Variants in TMEM63B observed in about 807,000 individuals in gnomAD.
TMEM63B encodes mechanosensitive cation channel TMEM63B.
In TMEM63B, 23 loss-of-function variants were observed where a neutral mutation model predicts 102.6. The ratio of observed to expected loss-of-function variants is 0.22; its 90% CI spans 0.16 to 0.32. TMEM63B has a LOEUF of 0.32. Ranked by LOEUF, TMEM63B falls within the 10% of genes least tolerant of loss-of-function variation. TMEM63B has a pLI of 1.00. For synonymous variants in TMEM63B, 444 were observed against 437.0 expected, an observed-to-expected ratio of 1.02 and a Z score of -0.20; for missense variants, 628 against 1,095.9, an observed-to-expected ratio of 0.57 and a Z score of 6.03.
In TMEM63B at chr6:44,130,890, T is replaced by C. The variant is rs374375420; in HGVS notation, c.-25+3212T>C. 1.6e-4 allele frequency among the ~76,000 whole-genome samples: 24 copies of C among 151,706 alleles called. 1 individual carries two copies. Among genetic ancestry groups the C allele is most frequent in the East Asian group, 7.8e-4 (4 of 5,142 alleles). On this transcript the variant is annotated intron_variant, in intron 1 of 23. Coordinates refer to ENST00000323267, the MANE Select transcript of TMEM63B (RefSeq NM_018426.3). ...ACTTGGCCTTCAAAAGTGCTGAGAT[T>C]ACAGGGGTGAGCCACCCCACCCTGC...
At chr6:44,135,288 TC>T (rs778631027) in intron 3 of TMEM63B, 39 bp from the exon 4 acceptor site, 1 of 1,600,342 alleles carries the variant, frequency 6.2e-7, no homozygotes, top group Non-Finnish European at 8.5e-7. Context: ...CCAGGGACTC[TC>T]CCCCGCCCCT....
intron 6 of TMEM63B, chr6:44,138,781 G>T: frequency 4.9e-6 from 2 of 409,772 alleles, no homozygotes; most frequent in East Asian, 4.7e-5. Context: ...GAGGGAGGGG[G>T]TGGAGCCCCT....
At chr6:44,151,492 G>C (rs377231021) in intron 18 of TMEM63B, among the ~76,000 whole-genome samples, 1 of 152,124 alleles carries the variant, frequency 6.6e-6, no homozygotes, top group Non-Finnish European at 1.5e-5. Flanking sequence ...TGGTCTAAGT[G>C]GGGGAATCTT....
intron 6 of TMEM63B, 144 bp from the exon 7 acceptor site, chr6:44,139,323 A>T: frequency 1.1e-6 from 1 of 919,914 alleles, no homozygotes; most frequent in East Asian, 2.6e-5. Flanking sequence ...GGGACCAAGA[A>T]GTCCCATTTC....
intron 4 of TMEM63B, 95 bp downstream of exon 4, chr6:44,135,461 T>G (rs1351843753): frequency 2.7e-6 from 4 of 1,464,312 alleles, no homozygotes; most frequent in Non-Finnish European, 1.8e-6. Context: ...TGCTGGTTTC[T>G]TTTTGCAGTT....
In TMEM63B at chr6:44,148,696, G is replaced by T. The variant is rs1337234630; in HGVS notation, c.1259+46G>T. ...GCAGGCTTTCCAGGGCCTGGGATGGGCTCAGTAGGTAGGCGGAGGAGAGGG... is the reference window on the plus strand; with the variant it reads ...GCAGGCTTTCCAGGGCCTGGGATGGTCTCAGTAGGTAGGCGGAGGAGAGGG... On this transcript the variant is annotated intron_variant, in intron 14 of 23. Transcript: ENST00000323267. The surrounding 1 kb of genome is among the most constrained non-coding windows in gnomAD (Gnocchi z 5.1). 3.1e-6 allele frequency: 5 copies of T among 1,611,420 alleles called. No individual in the cohort carries two copies. The highest frequency in any genetic ancestry group is 3.3e-5 in the Admixed American group (2 of 59,954).
chr6:44,135,424 C>T (rs1762747116), intron 4 of TMEM63B, 58 bp downstream of exon 4: 2 of 1,562,972 alleles, frequency 1.3e-6, no homozygotes, highest in Non-Finnish European at 1.7e-6. Flanking sequence ...TTTCTTCTCT[C>T]ACGCTTCTCT....
rs1561828349 is a variant in TMEM63B at position 44,154,160 on chromosome 6, T to G, written c.2198T>G (p.Phe733Cys). Reference protein sequence around the residue: ...ICLCHVCFGHFKYLSAHNYKI... With the variant: ...ICLCHVCFGHCKYLSAHNYKI... Reference sequence around the variant, plus strand: ...CTCTGCCACGTCTGCTTTGGACACTTCAAATACCTCAGTGCCCACAACTAC... The same window carrying G: ...CTCTGCCACGTCTGCTTTGGACACTGCAAATACCTCAGTGCCCACAACTAC... Residue 733 changes from phenylalanine (F) to cysteine (C), a missense_variant, in exon 22 of 24, where the codon TTC becomes TGC. This residue lies in a region of TMEM63B where 129 missense variants were observed against 153.5 expected (regional missense o/e 0.84). Coordinates refer to ENST00000323267, the MANE Select transcript of TMEM63B (RefSeq NM_018426.3). The G allele has an allele frequency of 6.2e-7, 1 of 1,614,074 alleles. No individual in the cohort carries two copies.
chr6:44,127,003 C>G (rs1465910909), upstream of TMEM63B: 2 of 152,280 alleles, frequency 1.3e-5, no homozygotes, highest in African/African-American at 4.8e-5. Context: ...AGGAGACGCT[C>G]CGGAGTGACC....
intron 3 of TMEM63B, 52 bp from the exon 4 acceptor site, chr6:44,135,276 C>A (rs775965988): frequency 3.8e-6 from 6 of 1,593,132 alleles, no homozygotes; most frequent in East Asian, 2.3e-5. Context: ...CCTCACCTGT[C>A]CCCAGGGACT....
chr6:44,154,770 C>A lies in TMEM63B; in HGVS notation c.2386C>A (p.Pro796Thr), dbSNP rs760764241. The change falls in exon 24 of 24, where the codon CCC becomes ACC. Residue 796 changes from proline to threonine, a missense_variant. Transcript: ENST00000323267. ...GGCTCCTGGGAGCTCAGGGGATGAGCCCCCATCATCCTCATCCCAAGATGA... is the reference window on the plus strand; with the variant it reads ...GGCTCCTGGGAGCTCAGGGGATGAGACCCCATCATCCTCATCCCAAGATGA... ...DGAPGSSGDE[P>T]PSSSSQDEEL... The A allele has an allele frequency of 9.9e-6, 16 of 1,608,196 alleles. No individual in the cohort carries two copies. The highest frequency in any genetic ancestry group is 5.1e-5 in the Admixed American group (3 of 59,248).
At chr6:44,151,410 C>T (rs1264578725) in intron 18 of TMEM63B, among the ~76,000 whole-genome samples, 1 of 151,868 alleles carries the variant, frequency 6.6e-6, no homozygotes. Flanking sequence ...AGAGATGTTG[C>T]GGGAAGGGTC....
chr6:44,137,869 T>C (rs1763301706), intron 5 of TMEM63B, among the ~76,000 whole-genome samples: 1 of 151,998 alleles, frequency 6.6e-6, no homozygotes, highest in Non-Finnish European at 1.5e-5. Flanking sequence ...CAGCTAATTT[T>C]TGTATTTTTA....
chr6:44,149,739 C>T, intron 15 of TMEM63B, 120 bp from the exon 16 acceptor site: 1 of 752,692 alleles, frequency 1.3e-6, no homozygotes, highest in Admixed American at 2.5e-5. Flanking sequence ...TTCTGGGCTT[C>T]CAACATGGGA....
chr6:44,148,560 G>A lies in TMEM63B; in HGVS notation c.1169G>A (p.Arg390His), dbSNP rs761242537. 9.3e-6 allele frequency: 15 copies of A among 1,614,230 alleles called. No individual in the cohort carries two copies. Among genetic ancestry groups the A allele is most frequent in the Middle Eastern group, 1.6e-4 (1 of 6,062 alleles). ...TGTAAATGCCAGGGCTGCACCTGCC[G>A]TGGGGAGCCACGCCCCTCATCCTGC... is the stretch of plus-strand genomic sequence containing the variant. ...NVCKCQGCTC[R>H]GEPRPSSCSE... Residue 390 changes from arginine (R) to histidine (H), a missense_variant, in exon 14 of 24, where the codon CGT becomes CAT. This residue lies in a region of TMEM63B where 336 missense variants were observed against 580.3 expected (regional missense o/e 0.58). Transcript: ENST00000323267. The surrounding 1 kb of genome is among the most constrained non-coding windows in gnomAD (Gnocchi z 5.1).
chr6:44,145,611 A>G (rs1006590638), intron 10 of TMEM63B, among the ~76,000 whole-genome samples: 1 of 149,148 alleles, frequency 6.7e-6, no homozygotes, highest in Non-Finnish European at 1.5e-5. Flanking sequence ...ACAAAACAAA[A>G]ACAAAAACAA....
Position 44,152,105 on chromosome 6 carries a change from G to T in TMEM63B, c.1836+97G>T. ...CGCTAGGGTTGAGGGGCACAGGAGG[G>T]CTGAGACTTGGGGAGTACAGTTGAC... On this transcript the variant is annotated intron_variant, in intron 19 of 23. Coordinates refer to ENST00000323267, the MANE Select transcript of TMEM63B (RefSeq NM_018426.3). The surrounding 1 kb of genome is among the most constrained non-coding windows in gnomAD (Gnocchi z 6.4). 15 of 1,414,878 alleles carry T rather than the reference G, an allele frequency of 1.1e-5. No homozygotes were observed. Among genetic ancestry groups the T allele is most frequent in the Non-Finnish European group, 1.4e-5 (15 of 1,067,396 alleles). 87.6% of individuals were successfully genotyped at this position (1,414,878 alleles called of 1,614,324 possible). A position where few individuals can be genotyped will look rare whatever the true frequency, so the allele number is the denominator to read the frequency against.
At chr6:44,138,919 G>A (rs537271215) in intron 6 of TMEM63B, 33 of 286,856 alleles carry the variant, frequency 1.2e-4, no homozygotes, top group Middle Eastern at 1.2e-3. Flanking sequence ...AGAAAGGCAG[G>A]AAGCCAGGAC....
At position 44,150,385 on chromosome 6, in the gene TMEM63B, C is replaced by T. The variant is rs1439789404; in HGVS notation, c.1607+75C>T. 5 of 1,507,632 alleles carry T rather than the reference C, an allele frequency of 3.3e-6. No individual in the cohort carries two copies. The highest frequency in any genetic ancestry group is 4.6e-6 in the Non-Finnish European group (5 of 1,085,146). 93.4% of individuals were successfully genotyped at this position (1,507,632 alleles called of 1,614,324 possible). A position where few individuals can be genotyped will look rare whatever the true frequency, so the allele number is the denominator to read the frequency against. On this transcript the variant is annotated intron_variant, in intron 17 of 23. Transcript: ENST00000323267. This position sits in a 1 kb window ranked among gnomAD's most constrained non-coding sequence, Gnocchi z 4.7. Reference sequence around the variant, plus strand: ...AGGGAGAGGAGAGCAGTTCAGCCTCCCTACCTCCCCTACAAAGCAAGGGGC... The same window carrying T: ...AGGGAGAGGAGAGCAGTTCAGCCTCTCTACCTCCCCTACAAAGCAAGGGGC...
Sources: allele counts gnomAD v4.1 joint callset (sites outside exome capture counted in the v4.1 genomes callset), GRCh38; gene constraint gnomAD v4.1.1; regional missense constraint gnomAD v4.1.1; non-coding constraint Gnocchi (gnomAD v3.1); transcripts MANE v1.5; gene names NCBI Gene and HGNC (gene_info 2026-07-23, HGNC 2026-07-21).